The following ADGRL3 variants were observed in gnomAD, a reference collection of about 807,000 sequenced individuals.
The protein encoded by ADGRL3 is calcium-independent alpha-latrotoxin receptor 3.
A neutral mutation model predicts 153.5 loss-of-function variants in ADGRL3; 62 were observed. The ratio of observed to expected loss-of-function variants is 0.40; its 90% CI spans 0.33 to 0.50. The LOEUF is 0.50. ADGRL3 is among the 20% of genes least tolerant of loss of function. The pLI, the probability that ADGRL3 is intolerant of heterozygous loss-of-function variation, is 0.47. For missense variants in ADGRL3, 1,641 were observed against 1,859.4 expected, an observed-to-expected ratio of 0.88 and a Z score of 2.16; for synonymous variants, 710 against 672.5, an observed-to-expected ratio of 1.06 and a Z score of -0.86.
intron 6 of ADGRL3, among the ~76,000 whole-genome samples, chr4:61,697,453 G>A (rs962203737): frequency 2.0e-5 from 3 of 151,758 alleles, no homozygotes; most frequent in South Asian, 2.1e-4. Context: ...CCAGCTACTC[G>A]GGAGGCTGAG....
intron 4 of ADGRL3, among the ~76,000 whole-genome samples, chr4:61,558,012 A>G (rs1003807766): frequency 6.6e-6 from 1 of 151,110 alleles, no homozygotes; most frequent in Admixed American, 6.6e-5. Context: ...TGATTTCAAA[A>G]GTGTCTCCAG....
At chr4:61,451,559 A>G (rs1208391283) in intron 2 of ADGRL3, among the ~76,000 whole-genome samples, 3 of 152,204 alleles carry the variant, frequency 2.0e-5, no homozygotes, top group Admixed American at 6.5e-5. Flanking sequence ...CAGTCAACAT[A>G]CAAGGCAAAG....
intron 5 of ADGRL3, among the ~76,000 whole-genome samples, chr4:61,609,749 C>A (rs939735300): frequency 2.0e-5 from 3 of 151,998 alleles, no homozygotes; most frequent in Non-Finnish European, 4.4e-5. Context: ...AAATGTGTAG[C>A]ATTGTGATAA....
chr4:61,711,176 C>T (rs1274700171), intron 6 of ADGRL3, among the ~76,000 whole-genome samples: 1 of 151,948 alleles, frequency 6.6e-6, no homozygotes, highest in Non-Finnish European at 1.5e-5. Context: ...CTTCTTATAT[C>T]AGGGATTGCT....
intron 5 of ADGRL3, among the ~76,000 whole-genome samples, chr4:61,622,453 C>G (rs961585368): frequency 6.6e-6 from 1 of 151,888 alleles, no homozygotes; most frequent in African/African-American, 2.4e-5. Flanking sequence ...TCCCATTTTT[C>G]CAAATATTTT....
intron 6 of ADGRL3, among the ~76,000 whole-genome samples, chr4:61,723,347 A>G (rs1042977034): frequency 6.6e-6 from 1 of 152,192 alleles, no homozygotes; most frequent in African/African-American, 2.4e-5. Context: ...TCTCACACGG[A>G]TAAGATTAAT....
intron 9 of ADGRL3, among the ~76,000 whole-genome samples, chr4:61,879,147 A>G (rs761586822): frequency 3.9e-5 from 6 of 152,208 alleles, no homozygotes; most frequent in Non-Finnish European, 7.3e-5. Flanking sequence ...CATAATCTGA[A>G]TTTGATTATA....
intron 21 of ADGRL3, among the ~76,000 whole-genome samples, chr4:62,021,003 G>A (rs1032669952): frequency 9.2e-5 from 14 of 151,818 alleles, no homozygotes; most frequent in African/African-American, 2.9e-4. Context: ...CCCTTTAAAT[G>A]TATGTATTAA....
chr4:61,220,532 G>A (rs902459746), intron 1 of ADGRL3, among the ~76,000 whole-genome samples: 1 of 152,202 alleles, frequency 6.6e-6, no homozygotes, highest in African/African-American at 2.4e-5. Flanking sequence ...TACACGGGCA[G>A]AAGGTTTAGT....
At chr4:61,368,519 G>C (rs1367751481) in intron 1 of ADGRL3, among the ~76,000 whole-genome samples, 6 of 152,004 alleles carry the variant, frequency 3.9e-5, no homozygotes. Context: ...TCTCAGGTTT[G>C]TCAAAGATCA....
chr4:62,045,769 C>G (rs1239603695), intron 25 of ADGRL3, among the ~76,000 whole-genome samples: 1 of 151,902 alleles, frequency 6.6e-6, no homozygotes, highest in Non-Finnish European at 1.5e-5. Context: ...ATCACTTTGT[C>G]TTGATTAGTA....
chr4:61,715,213 G>A (rs1447923928), intron 6 of ADGRL3, among the ~76,000 whole-genome samples: 7 of 152,042 alleles, frequency 4.6e-5, no homozygotes, highest in Admixed American at 4.6e-4. Context: ...ACATTCGACT[G>A]GTTATTGAAG....
intron 25 of ADGRL3, among the ~76,000 whole-genome samples, chr4:62,045,938 G>A (rs537533153): frequency 1.3e-5 from 2 of 151,856 alleles, no homozygotes; most frequent in South Asian, 4.2e-4. Flanking sequence ...TTTCAATTTA[G>A]TTTTAATGTT....
chr4:61,568,090 C>A (rs1292389303), intron 4 of ADGRL3, among the ~76,000 whole-genome samples: 1 of 151,932 alleles, frequency 6.6e-6, no homozygotes, highest in Non-Finnish European at 1.5e-5. Context: ...ATTCAATTTT[C>A]ATTTATCTTT....
chr4:61,473,726 A>T (rs75132857), intron 2 of ADGRL3, among the ~76,000 whole-genome samples: 4,839 of 151,354 alleles, frequency 0.032, 95 homozygotes, highest in African/African-American at 0.049. Context: ...TCAGCCTTTT[A>T]AAAAAAAATA....
At chr4:61,263,969 G>C (rs1464144061) in intron 1 of ADGRL3, among the ~76,000 whole-genome samples, 1 of 151,748 alleles carries the variant, frequency 6.6e-6, no homozygotes, top group African/African-American at 2.4e-5. Flanking sequence ...TTTGAGATAG[G>C]CTTGTTGGTA....
chr4:61,699,967 C>CA (rs1186052913), intron 6 of ADGRL3, among the ~76,000 whole-genome samples: 5 of 149,862 alleles, frequency 3.3e-5, no homozygotes, highest in Non-Finnish European at 7.4e-5. Flanking sequence ...CACACACACA[C>CA]AAAAACACAC....
chr4:61,464,855 T>C (rs910074836), intron 2 of ADGRL3, among the ~76,000 whole-genome samples: 1 of 152,144 alleles, frequency 6.6e-6, no homozygotes, highest in African/African-American at 2.4e-5. Flanking sequence ...AGTCAATGGG[T>C]TGTATTTAGG....
At chr4:61,240,818 T>A (rs1227696524) in intron 1 of ADGRL3, among the ~76,000 whole-genome samples, 2 of 152,114 alleles carry the variant, frequency 1.3e-5, no homozygotes, top group Non-Finnish European at 2.9e-5. Flanking sequence ...ATGAACCTAA[T>A]TTATCTTGTT....
Sources: gnomAD v4.1 joint callset for allele counts (sites outside exome capture counted in the v4.1 genomes callset) on GRCh38, gnomAD v4.1.1 for gene constraint, MANE v1.5 for transcripts, NCBI Gene and HGNC (gene_info 2026-07-23, HGNC 2026-07-21) for gene names.